MCTP1: variants seen among roughly 807,000 people sequenced by gnomAD.
The protein encoded by MCTP1 is multiple C2 and transmembrane domain containing 1, also known as multiple C2 and transmembrane domain-containing protein 1.
A neutral mutation model predicts 120.6 loss-of-function variants in MCTP1; 69 were observed. The observed-to-expected ratio is 0.57, with a 90% confidence interval of 0.47 to 0.70. The LOEUF (loss-of-function observed/expected upper bound fraction) is 0.70. Among genes scored for constraint, MCTP1 ranks in the 30% least tolerant of loss-of-function variants. The pLI is 0.00. For synonymous variants in MCTP1, 529 were observed against 493.1 expected, an observed-to-expected ratio of 1.07 and a Z score of -0.96; for missense variants, 1,203 against 1,248.8, an observed-to-expected ratio of 0.96 and a Z score of 0.55.
chr5:94,955,086 T>A lies in MCTP1; in HGVS notation c.839-1725A>T, dbSNP rs902955424. Among the ~76,000 whole-genome samples, 9 of 152,086 alleles carry A rather than the reference T, an allele frequency of 5.9e-5. 1 individual carries two copies. Among genetic ancestry groups the A allele is most frequent in the African/African-American group, 2.2e-4 (9 of 41,394 alleles). On this transcript the variant is annotated intron_variant, in intron 2 of 22. Coordinates refer to ENST00000515393, the MANE Select transcript of MCTP1 (RefSeq NM_024717.7). ...ACCTGGTACATCTCAGTGGGACTGG[T>A]TGGACAGTGGGTGCAGCCCACAGAG...
intron 17 of MCTP1, among the ~76,000 whole-genome samples, chr5:94,843,274 G>T (rs1209930834): frequency 6.6e-6 from 1 of 152,104 alleles, no homozygotes; most frequent in African/African-American, 2.4e-5. Flanking sequence ...AAGAATTAGG[G>T]AATGGCAAAC....
chr5:94,747,644 T>G (rs1767232291), intron 19 of MCTP1, among the ~76,000 whole-genome samples: 1 of 152,100 alleles, frequency 6.6e-6, no homozygotes, highest in South Asian at 2.1e-4. Flanking sequence ...CTAGCCCAAA[T>G]AATCCTTTTC....
chr5:95,136,489 G>T (rs1759455200), intron 1 of MCTP1, among the ~76,000 whole-genome samples: 2 of 152,130 alleles, frequency 1.3e-5, no homozygotes, highest in African/African-American at 4.8e-5. Flanking sequence ...AAAACGGGAA[G>T]CTGGAGACAG....
At chr5:94,826,430 C>T in intron 17 of MCTP1, 1 of 665,042 alleles carries the variant, frequency 1.5e-6, no homozygotes, top group Non-Finnish European at 2.8e-6. Context: ...ATGACAAATG[C>T]CAATTTGGGT....
intron 1 of MCTP1, among the ~76,000 whole-genome samples, chr5:95,181,841 TC>T (rs1030124550): frequency 1.3e-5 from 2 of 152,192 alleles, no homozygotes; most frequent in Non-Finnish European, 2.9e-5. Context: ...ATTGCATCAC[TC>T]CTTTCACCAT....
chr5:95,077,940 C>T (rs764576444), intron 1 of MCTP1, among the ~76,000 whole-genome samples: 1 of 151,830 alleles, frequency 6.6e-6, no homozygotes, highest in Non-Finnish European at 1.5e-5. Flanking sequence ...TCTGGGCCCA[C>T]ATTCTCTAGT....
At chr5:95,079,457 T>C (rs769969967) in intron 1 of MCTP1, among the ~76,000 whole-genome samples, 7 of 152,178 alleles carry the variant, frequency 4.6e-5, no homozygotes, top group Non-Finnish European at 1.0e-4. Context: ...TTTTGTCACA[T>C]AGACCACATG....
chr5:94,799,275 T>A, intron 17 of MCTP1, 143 bp from the exon 18 acceptor site: 1 of 730,618 alleles, frequency 1.4e-6, no homozygotes, highest in Non-Finnish European at 2.1e-6. Flanking sequence ...CCTTGGAAAC[T>A]TTTAGACATT....
chr5:95,197,986 T>C (rs559405933), intron 1 of MCTP1, among the ~76,000 whole-genome samples: 1 of 152,216 alleles, frequency 6.6e-6, no homozygotes, highest in East Asian at 1.9e-4. Flanking sequence ...TAGGGAATAA[T>C]GACAAGAAAA....
intron 17 of MCTP1, among the ~76,000 whole-genome samples, chr5:94,833,009 A>G (rs950527488): frequency 9.8e-5 from 15 of 152,340 alleles, no homozygotes; most frequent in Middle Eastern, 6.8e-3. Flanking sequence ...GTCTTCAAGC[A>G]TCTAAGAACA....
In MCTP1 at chr5:95,181,869, A is replaced by G. The variant is rs185930874; in HGVS notation, c.720+101987T>C. On this transcript the variant is annotated intron_variant, in intron 1 of 22. Coordinates refer to ENST00000515393, the MANE Select transcript of MCTP1 (RefSeq NM_024717.7). ...TTTCACCATCCGTTAGTGATTGCTCACTGTGTTTGTTATTCAGTTCATCAC... is the reference window on the plus strand; with the variant it reads ...TTTCACCATCCGTTAGTGATTGCTCGCTGTGTTTGTTATTCAGTTCATCAC... Among the ~76,000 whole-genome samples, 29 of 152,314 alleles carry G rather than the reference A, an allele frequency of 1.9e-4. No homozygotes were observed. In the East Asian group the frequency reaches 5.6e-3, roughly 29 times the overall value.
intron 19 of MCTP1, among the ~76,000 whole-genome samples, chr5:94,752,287 G>A (rs1056585601): frequency 6.6e-6 from 1 of 151,330 alleles, no homozygotes; most frequent in Non-Finnish European, 1.5e-5. Context: ...TGACAAAGTG[G>A]TGAGGATGAG....
At chr5:94,922,980 A>G (rs1034112357) in intron 7 of MCTP1, among the ~76,000 whole-genome samples, 2 of 136,348 alleles carry the variant, frequency 1.5e-5, no homozygotes, top group South Asian at 4.8e-4. Flanking sequence ...AAATAAGCTC[A>G]CAACAATAAA....
intron 21 of MCTP1, 162 bp from the exon 22 acceptor site, chr5:94,708,771 G>T: frequency 1.8e-6 from 1 of 545,808 alleles, no homozygotes; most frequent in Non-Finnish European, 3.3e-6. Context: ...CAGCTCAACT[G>T]CTTTTTTTAC....
chr5:94,842,685 T>C (rs1183724111), intron 17 of MCTP1, among the ~76,000 whole-genome samples: 3 of 152,224 alleles, frequency 2.0e-5, no homozygotes, highest in Admixed American at 6.5e-5. Flanking sequence ...CATGCTATCT[T>C]ATGAATAAAC....
chr5:94,847,251 C>T (rs928448688), intron 17 of MCTP1, among the ~76,000 whole-genome samples: 2 of 152,094 alleles, frequency 1.3e-5, no homozygotes, highest in Non-Finnish European at 2.9e-5. Flanking sequence ...GAGTTCCATG[C>T]GCTCTGCCAA....
At chr5:94,765,030 G>A (rs878874600) in intron 19 of MCTP1, among the ~76,000 whole-genome samples, 2 of 151,960 alleles carry the variant, frequency 1.3e-5, no homozygotes, top group African/African-American at 4.8e-5. Context: ...CACAAGATCT[G>A]AAACCATATG....
chr5:94,976,173 A>G (rs149567071), intron 2 of MCTP1, among the ~76,000 whole-genome samples: 53 of 152,302 alleles, frequency 3.5e-4, no homozygotes, highest in African/African-American at 1.3e-3. Context: ...CTTCTACAAC[A>G]GTAAGCATTT....
intron 17 of MCTP1, among the ~76,000 whole-genome samples, chr5:94,849,189 G>C (rs1793139498): frequency 6.6e-6 from 1 of 152,082 alleles, no homozygotes; most frequent in South Asian, 2.1e-4. Context: ...ACTCATCGGT[G>C]TGAATTAAAA....
Sources: gnomAD v4.1 joint callset for allele counts (sites outside exome capture counted in the v4.1 genomes callset) on GRCh38, gnomAD v4.1.1 for gene constraint, MANE v1.5 for transcripts, NCBI Gene and HGNC (gene_info 2026-07-23, HGNC 2026-07-21) for gene names.